Variants in CBX1 observed in about 807,000 individuals in gnomAD.
CBX1 encodes chromobox protein homolog 1.
CBX1 carries 10 observed loss-of-function variants against 25.1 expected under a neutral mutation model. That is an observed-to-expected ratio of 0.40 (90% CI 0.25 to 0.68). CBX1 has a LOEUF of 0.68. CBX1 is among the 30% of genes least tolerant of loss of function. The pLI is 0.40. For missense variants in CBX1, 106 were observed against 218.5 expected, an observed-to-expected ratio of 0.49 and a Z score of 3.25; for synonymous variants, 63 against 79.4, an observed-to-expected ratio of 0.79 and a Z score of 1.10.
intron 1 of CBX1, chr17:48,095,779 G>A (rs1279103497): frequency 6.6e-6 from 1 of 152,242 alleles, no homozygotes; most frequent in African/African-American, 2.4e-5. Flanking sequence ...TTTCTAAACT[G>A]CTTGTAGTCT....
intron 1 of CBX1, among the ~76,000 whole-genome samples, chr17:48,087,872 C>CAAAAAAAAAAAAAA (rs531431865): frequency 1.1e-5 from 1 of 89,484 alleles, no homozygotes; most frequent in African/African-American, 4.3e-5. Flanking sequence ...GACTCAGTCT[C>CAAAAAAAAAAAAAA]AAAAAAAAAA....
At chr17:48,093,490 A>C (rs2063355708) in intron 1 of CBX1, among the ~76,000 whole-genome samples, 1 of 152,192 alleles carries the variant, frequency 6.6e-6, no homozygotes, top group Non-Finnish European at 1.5e-5. Context: ...TGAAAAGCTG[A>C]GTTTGAAACC....
At chr17:48,078,411 C>G (rs2037698014) in intron 1 of CBX1, among the ~76,000 whole-genome samples, 1 of 152,046 alleles carries the variant, frequency 6.6e-6, no homozygotes, top group Non-Finnish European at 1.5e-5. Flanking sequence ...CCAGGATGGT[C>G]TCGATCTCCT....
chr17:48,076,299 G>A (rs1488172743), intron 2 of CBX1, 121 bp from the exon 3 acceptor site: 9 of 720,606 alleles, frequency 1.2e-5, no homozygotes, highest in Non-Finnish European at 1.9e-5. Context: ...TTGGGGAATG[G>A]GGAAGCTTTT....
intron 1 of CBX1, among the ~76,000 whole-genome samples, chr17:48,099,104 ATCTTT>A (rs2063392474): frequency 1.3e-5 from 2 of 151,954 alleles, no homozygotes; most frequent in Non-Finnish European, 1.5e-5. Context: ...CCTATCATCT[ATCTTT>A]TCTTTTTTTT....
chr17:48,096,649 C>T (rs974427351), intron 1 of CBX1, among the ~76,000 whole-genome samples: 10 of 152,040 alleles, frequency 6.6e-5, no homozygotes, highest in African/African-American at 2.4e-4. Context: ...GTGGTGTGCA[C>T]CTGTATTCCT....
chr17:48,077,955 A>T (rs999841920), intron 1 of CBX1, among the ~76,000 whole-genome samples: 1 of 152,082 alleles, frequency 6.6e-6, no homozygotes, highest in African/African-American at 2.4e-5. Flanking sequence ...GGGGTTCAAG[A>T]CCATCCTGGC....
chr17:48,097,672 C>T (rs931987241), intron 1 of CBX1, among the ~76,000 whole-genome samples: 1 of 151,378 alleles, frequency 6.6e-6, no homozygotes, highest in African/African-American at 2.4e-5. Context: ...AAAGTGTCAA[C>T]TATTATTTTA....
Position 48,070,376 on chromosome 17 carries a change from A to T in CBX1, c.*1059T>A, listed in dbSNP as rs1225345472. The T allele has an allele frequency of 1.3e-5, 2 of 152,618 alleles. No individual in the cohort carries two copies. Among genetic ancestry groups the T allele is most frequent in the African/African-American group, 4.8e-5 (2 of 41,460 alleles). The allele number at this position is 152,618 out of a possible 1,614,324, so 9.5% of individuals were successfully genotyped here. ...TTGAAATCACTAAACTCTTGGATCA[A>T]TTCAGTGAAACTTGTGCTGTCAGTG... On this transcript the variant is annotated 3_prime_UTR_variant, in exon 5 of 5. Coordinates refer to ENST00000225603, the MANE Select transcript of CBX1 (RefSeq NM_001127228.2).
rs2037671564 is a variant in CBX1 at position 48,075,994 on chromosome 17, T to C, written c.318+7A>G. On this transcript the variant is annotated splice_region_variant and intron_variant, in intron 3 of 4. Coordinates refer to ENST00000225603, the MANE Select transcript of CBX1 (RefSeq NM_001127228.2). ...GGGCTAGTAAAAATTCTTACTTCTA[T>C]TCTTACCTCTTCTTTCTTCTTCTTT... 1 of 1,580,498 alleles carries C rather than the reference T, an allele frequency of 6.3e-7. No homozygotes were observed. Among genetic ancestry groups the C allele is most frequent in the Non-Finnish European group, 8.6e-7 (1 of 1,156,854 alleles).
intron 1 of CBX1, 61 bp downstream of exon 1, chr17:48,101,207 C>CCCGCCGCCG (rs904648013): frequency 2.0e-5 from 20 of 989,024 alleles, no homozygotes; most frequent in South Asian, 1.4e-4. Flanking sequence ...ACGCAGGGCT[C>CCCGCCGCCG]CCGCCGCCGC....
rs2063399398 is a variant in CBX1 at position 48,100,116 on chromosome 17, G to A, written c.-38+1152C>T. ...ATCGCACCACTGCACTCCAGCCTGG[G>A]CAACAGAGGAAGACTCTTCTCAAAA... On this transcript the variant is annotated intron_variant, in intron 1 of 4. Coordinates refer to ENST00000225603, the MANE Select transcript of CBX1 (RefSeq NM_001127228.2). Among the ~76,000 whole-genome samples, 3 of 109,422 alleles carry A rather than the reference G, an allele frequency of 2.7e-5. No individual in the cohort carries two copies. The Admixed American group carries it at 4.4e-4, about 16-fold the overall frequency. The allele number at this position is 109,422 out of a possible 152,430, so 71.8% of individuals were successfully genotyped here. A position where few individuals can be genotyped will look rare whatever the true frequency, so the allele number is the denominator to read the frequency against.
chr17:48,098,030 A>C (rs1477734701), intron 1 of CBX1, among the ~76,000 whole-genome samples: 2 of 152,190 alleles, frequency 1.3e-5, no homozygotes, highest in Non-Finnish European at 2.9e-5. Context: ...TACCTTTTCT[A>C]TATTTAGTAC....
chr17:48,077,283 T>C (rs964728894), intron 1 of CBX1, among the ~76,000 whole-genome samples: 1 of 148,236 alleles, frequency 6.7e-6, no homozygotes, highest in Non-Finnish European at 1.5e-5. Flanking sequence ...AGAGACGGAG[T>C]CTTGCTCTGT....
chr17:48,080,563 C>T (rs912560152), intron 1 of CBX1, among the ~76,000 whole-genome samples: 12 of 151,702 alleles, frequency 7.9e-5, no homozygotes, highest in Admixed American at 6.6e-5. Context: ...AGGAAGCTTA[C>T]TTAGTGTAAT....
At chr17:48,099,227 C>T (rs1037260844) in intron 1 of CBX1, among the ~76,000 whole-genome samples, 12 of 152,098 alleles carry the variant, frequency 7.9e-5, no homozygotes, top group Non-Finnish European at 1.5e-5. Flanking sequence ...CTCAGCCTCC[C>T]GAGTAGCTGG....
At chr17:48,075,195 CTCTT>C (rs976958978) in intron 3 of CBX1, 95 bp from the exon 4 acceptor site, 8 of 728,632 alleles carry the variant, frequency 1.1e-5, no homozygotes, top group African/African-American at 5.9e-5. Flanking sequence ...TAATCACAAA[CTCTT>C]TTTTTTTTTT....
At chr17:48,098,342 G>A (rs962357726) in intron 1 of CBX1, among the ~76,000 whole-genome samples, 5 of 152,148 alleles carry the variant, frequency 3.3e-5, no homozygotes, top group Non-Finnish European at 7.4e-5. Flanking sequence ...TCTGCCAAAT[G>A]TCACAGACAC....
intron 1 of CBX1, among the ~76,000 whole-genome samples, chr17:48,097,143 CTT>C (rs2063379765): frequency 6.6e-6 from 1 of 151,740 alleles, no homozygotes; most frequent in Admixed American, 6.6e-5. Flanking sequence ...ATTCCAGCTA[CTT>C]AGGAGGCCTG....
Sources: allele counts gnomAD v4.1 joint callset (sites outside exome capture counted in the v4.1 genomes callset), GRCh38; gene constraint gnomAD v4.1.1; transcripts MANE v1.5; gene names NCBI Gene and HGNC (gene_info 2026-07-23, HGNC 2026-07-21).